SUMF1: variants seen among roughly 807,000 people sequenced by gnomAD.
SUMF1 encodes sulfatase modifying factor 1, also known as formylglycine-generating enzyme.
Under a neutral mutation model 47.6 loss-of-function variants are expected in SUMF1, and 48 were observed. The observed-to-expected ratio is 1.01, with a 90% CI of 0.80 to 1.28. The LOEUF is 1.28. SUMF1 is among the 50% of genes most tolerant of loss of function. SUMF1 has a pLI of 0.00. For synonymous variants in SUMF1, 230 were observed against 192.1 expected (o/e 1.20, Z -1.63); for missense variants, 571 against 485.4 (o/e 1.18, Z -1.66).
intron 8 of SUMF1, among the ~76,000 whole-genome samples, chr3:4,312,686 A>C (rs1389848734): frequency 6.8e-6 from 1 of 147,576 alleles, no homozygotes; most frequent in Non-Finnish European, 1.5e-5. Flanking sequence ...TGTGCAACAG[A>C]GCAAGACCCT....
At chr3:4,246,349 G>A (rs976124750) in intron 8 of SUMF1, among the ~76,000 whole-genome samples, 24 of 152,084 alleles carry the variant, frequency 1.6e-4, no homozygotes, top group Admixed American at 1.3e-4. Flanking sequence ...TGTCAATCTC[G>A]CTGGGAGCCG....
At chr3:4,272,450 A>C (rs928688208) in intron 8 of SUMF1, among the ~76,000 whole-genome samples, 1 of 152,168 alleles carries the variant, frequency 6.6e-6, no homozygotes, top group African/African-American at 2.4e-5. Context: ...CAGGCTGTCC[A>C]TGGCCCTGGA....
intron 8 of SUMF1, among the ~76,000 whole-genome samples, chr3:4,344,660 G>A (rs1288790385): frequency 6.6e-6 from 1 of 152,060 alleles, no homozygotes; most frequent in Non-Finnish European, 1.5e-5. Context: ...CTCCATCAAG[G>A]GCGCAGAACT....
chr3:4,461,611 G>C (rs1192588632), intron 1 of SUMF1, among the ~76,000 whole-genome samples: 2 of 151,356 alleles, frequency 1.3e-5, no homozygotes, highest in Admixed American at 6.6e-5. Context: ...TGACTTCCAT[G>C]TGAACTTCCG....
chr3:4,263,748 G>C (rs1697133778), intron 8 of SUMF1, among the ~76,000 whole-genome samples: 1 of 152,060 alleles, frequency 6.6e-6, no homozygotes, highest in Non-Finnish European at 1.5e-5. Flanking sequence ...TAATACTGAA[G>C]GCATATTATG....
At chr3:4,259,831 G>A (rs1697046637) in intron 8 of SUMF1, among the ~76,000 whole-genome samples, 2 of 152,028 alleles carry the variant, frequency 1.3e-5, no homozygotes, top group South Asian at 2.1e-4. Flanking sequence ...CCAAAGGGAA[G>A]GCTATTAAAA....
At chr3:4,240,306 C>G (rs1359107710) in intron 8 of SUMF1, among the ~76,000 whole-genome samples, 1 of 152,096 alleles carries the variant, frequency 6.6e-6, no homozygotes, top group African/African-American at 2.4e-5. Flanking sequence ...GGAGGATTCC[C>G]TCTTTTTCTA....
At chr3:4,219,781 AAT>A (rs1423718653) in intron 8 of SUMF1, among the ~76,000 whole-genome samples, 1 of 152,146 alleles carries the variant, frequency 6.6e-6, no homozygotes, top group Non-Finnish European at 1.5e-5. Context: ...AAATCCATGG[AAT>A]CAGAATCTTT....
intron 3 of SUMF1, among the ~76,000 whole-genome samples, chr3:4,420,478 C>T (rs569721019): frequency 3.9e-4 from 58 of 149,412 alleles, no homozygotes; most frequent in African/African-American, 1.3e-3. Context: ...CTCACTGCAA[C>T]CTCCGCCTCC....
At chr3:4,465,576 A>T (rs1327107299) in intron 1 of SUMF1, among the ~76,000 whole-genome samples, 2 of 152,206 alleles carry the variant, frequency 1.3e-5, no homozygotes, top group African/African-American at 2.4e-5. Flanking sequence ...ATACACACTA[A>T]AACAGTAATC....
rs143330335 is a variant in SUMF1 at position 4,247,592 on chromosome 3, G to A, written c.1014+128738C>T. ...AGCTGGAGATTTGTAGTGCTAGCGG[G>A]GGAAGAAGACTGGCTTAGATTTATT... On this transcript the variant is annotated intron_variant and NMD_transcript_variant, in intron 8 of 12. Transcript: ENST00000448413. 2.9e-3 allele frequency among the ~76,000 whole-genome samples: 446 copies of A among 152,144 alleles called. 5 individuals are homozygous for A. Among genetic ancestry groups the A allele is most frequent in the African/African-American group, 0.01 (421 of 41,502 alleles).
At chr3:4,325,589 ATC>A (rs1288731963) in intron 8 of SUMF1, among the ~76,000 whole-genome samples, 1 of 144,962 alleles carries the variant, frequency 6.9e-6, no homozygotes, top group Non-Finnish European at 1.5e-5. Context: ...GTATGTATAT[ATC>A]TGTGTGTATA....
intron 8 of SUMF1, among the ~76,000 whole-genome samples, chr3:4,208,309 C>A (rs1695697739): frequency 6.6e-6 from 1 of 152,018 alleles, no homozygotes; most frequent in Non-Finnish European, 1.5e-5. Flanking sequence ...GGTCCAGGGA[C>A]ACAGTCTCAT....
rs187204484 is a variant in SUMF1, at chr3:4,182,854, T to G, written c.1015-114109A>C. Among the ~76,000 whole-genome samples the G allele has an allele frequency of 1.2e-4, 19 of 152,202 alleles. No individual in the cohort carries two copies. In the East Asian group the frequency reaches 3.3e-3, roughly 26 times the overall value. On this transcript the variant is annotated intron_variant and NMD_transcript_variant, in intron 8 of 12. Transcript: ENST00000448413. ...AGACTCATCACAATAATCCTAGAGG[T>G]AAATTATATTCTATTTTACCTATGG...
At chr3:4,053,521 A>G (rs956872677) in intron 9 of SUMF1, among the ~76,000 whole-genome samples, 3 of 152,182 alleles carry the variant, frequency 2.0e-5, no homozygotes, top group African/African-American at 7.2e-5. Flanking sequence ...TGTGAAAAAC[A>G]ATAAAGCACA....
intron 7 of SUMF1, 114 bp downstream of exon 7, chr3:4,410,751 A>G: frequency 1.1e-6 from 1 of 937,702 alleles, no homozygotes; most frequent in Non-Finnish European, 1.8e-6. Context: ...AAATCCCAAG[A>G]TTAATTTCCA....
At chr3:4,357,577 TTTTA>T (rs58387595), downstream of SUMF1, among the ~76,000 whole-genome samples, 2,646 of 138,766 alleles carry the variant, frequency 0.019, 30 homozygotes, top group Middle Eastern at 0.033. Context: ...CCCAACCAAC[TTTTA>T]TTTATTTATT....
At chr3:4,065,138 C>A (rs1695347235) in intron 9 of SUMF1, among the ~76,000 whole-genome samples, 1 of 152,162 alleles carries the variant, frequency 6.6e-6, no homozygotes, top group African/African-American at 2.4e-5. Context: ...CATTTCCCTT[C>A]CCATCTCAGA....
In SUMF1 at chr3:4,420,096, G is replaced by C. The variant is rs751215634; in HGVS notation, c.570C>G (p.His190Gln). The stretch of plus-strand genomic sequence containing the variant: ...GAATAGTAGAGTCAGGCCCTTCTGG[G>C]TGTCTCCAGTTAGCGCCTTTCACAG... ...WLPVKGANWRHPEGPDSTILH... is the reference protein window; with the variant it reads ...WLPVKGANWRQPEGPDSTILH... The change falls in exon 4 of 9, where the codon CAC (histidine) becomes CAG (glutamine). Residue 190 changes from histidine (H) to glutamine (Q), a missense_variant. His to Gln is a conservative substitution (Grantham distance 24, BLOSUM62 0). Coordinates refer to ENST00000272902, the MANE Select transcript of SUMF1 (RefSeq NM_182760.4). The C allele has an allele frequency of 3.7e-6, 6 of 1,614,002 alleles. No individual in the cohort carries two copies. The highest frequency in any genetic ancestry group is 1.7e-5 in the Admixed American group (1 of 60,000).
Sources: allele counts gnomAD v4.1 joint callset (sites outside exome capture counted in the v4.1 genomes callset), GRCh38; gene constraint gnomAD v4.1.1; transcripts MANE v1.5; gene names NCBI Gene and HGNC (gene_info 2026-07-23, HGNC 2026-07-21).